CSMD1: variants seen among roughly 807,000 people sequenced by gnomAD.
CSMD1 encodes the protein CUB and Sushi multiple domains 1.
Under a neutral mutation model 417.5 loss-of-function variants are expected in CSMD1, and 213 were observed. The observed-to-expected ratio is 0.51, with a 90% CI of 0.46 to 0.57. The LOEUF (loss-of-function observed/expected upper bound fraction) is 0.57. Ranked by LOEUF, CSMD1 falls within the 20% of genes least tolerant of loss-of-function variation. CSMD1 has a pLI of 0.00. For missense variants in CSMD1, 6,923 were observed against 4,529.7 expected (o/e 1.53, Z -15.17); for synonymous variants, 2,862 against 1,736.8 (o/e 1.65, Z -16.11).
At chr8:3,358,020 C>A (rs536273295) in intron 21 of CSMD1, among the ~76,000 whole-genome samples, 10 of 152,244 alleles carry the variant, frequency 6.6e-5, no homozygotes, top group South Asian at 6.2e-4. Context: ...TACATAATAT[C>A]CCTAAGCAAC....
At chr8:4,210,177 C>G (rs1446858098) in intron 3 of CSMD1, among the ~76,000 whole-genome samples, 1 of 152,200 alleles carries the variant, frequency 6.6e-6, no homozygotes, top group Non-Finnish European at 1.5e-5. Flanking sequence ...CTGCCTCAGC[C>G]CATCTGTGGG....
At chr8:4,112,125 G>A (rs529725633) in intron 3 of CSMD1, among the ~76,000 whole-genome samples, 97 of 152,212 alleles carry the variant, frequency 6.4e-4, no homozygotes, top group African/African-American at 2.2e-3. Context: ...AAGATCAGGG[G>A]CCCCTTCAAA....
At chr8:2,971,239 G>A (rs1170954544) in intron 57 of CSMD1, among the ~76,000 whole-genome samples, 6 of 151,886 alleles carry the variant, frequency 4.0e-5, no homozygotes, top group South Asian at 2.1e-4. Flanking sequence ...GTGTCAGTTC[G>A]CCACCTAGAT....
chr8:4,329,533 C>G (rs1440413129), intron 3 of CSMD1, among the ~76,000 whole-genome samples: 1 of 152,140 alleles, frequency 6.6e-6, no homozygotes, highest in Admixed American at 6.6e-5. Flanking sequence ...AGTGATTTGT[C>G]TTCCTTGGCC....
intron 26 of CSMD1, among the ~76,000 whole-genome samples, chr8:3,244,291 C>G (rs932804500): frequency 1.3e-5 from 2 of 152,132 alleles, no homozygotes; most frequent in Non-Finnish European, 1.5e-5. Context: ...CTCCTTGTTT[C>G]TGTTCACTGG....
At chr8:3,471,862 G>C (rs1015487877) in intron 11 of CSMD1, among the ~76,000 whole-genome samples, 1 of 152,136 alleles carries the variant, frequency 6.6e-6, no homozygotes, top group Non-Finnish European at 1.5e-5. Flanking sequence ...AAAGAAGAAT[G>C]TGGGCATAGC....
At chr8:4,386,743 A>G (rs903616603) in intron 3 of CSMD1, among the ~76,000 whole-genome samples, 2 of 152,212 alleles carry the variant, frequency 1.3e-5, no homozygotes, top group East Asian at 1.9e-4. Context: ...AGTGCTAATG[A>G]TGACTTTAAT....
chr8:3,961,674 G>A (rs1812333983), intron 5 of CSMD1, among the ~76,000 whole-genome samples: 1 of 152,104 alleles, frequency 6.6e-6, no homozygotes, highest in Non-Finnish European at 1.5e-5. Flanking sequence ...TAAATAAAGT[G>A]AAAGCAAACT....
At chr8:3,547,911 T>C (rs559102652) in intron 10 of CSMD1, among the ~76,000 whole-genome samples, 6 of 152,308 alleles carry the variant, frequency 3.9e-5, no homozygotes, top group East Asian at 3.9e-4. Flanking sequence ...AATTACTACA[T>C]GCACCATGCC....
chr8:3,823,543 T>G (rs1407640110), intron 5 of CSMD1, among the ~76,000 whole-genome samples: 2 of 152,124 alleles, frequency 1.3e-5, no homozygotes, highest in Non-Finnish European at 2.9e-5. Context: ...AAGTATAACT[T>G]AATAAAATAA....
chr8:3,391,149 A>G (rs1197889174), intron 17 of CSMD1, among the ~76,000 whole-genome samples: 1 of 144,898 alleles, frequency 6.9e-6, no homozygotes, highest in Non-Finnish European at 1.5e-5. Context: ...TTTTCTGATC[A>G]TATAAAAAGT....
At chr8:3,136,184 T>G (rs1455650347) in intron 41 of CSMD1, among the ~76,000 whole-genome samples, 4 of 152,078 alleles carry the variant, frequency 2.6e-5, no homozygotes. Flanking sequence ...GGCTCTATTT[T>G]CACAATTATA....
At chr8:4,806,442 C>T (rs1463003494) in intron 1 of CSMD1, among the ~76,000 whole-genome samples, 1 of 144,146 alleles carries the variant, frequency 6.9e-6, no homozygotes, top group Non-Finnish European at 1.5e-5. Context: ...TTAGTGCCAT[C>T]AACACCCTGC....
intron 1 of CSMD1, among the ~76,000 whole-genome samples, chr8:4,950,255 C>G (rs1337797068): frequency 6.6e-6 from 1 of 151,988 alleles, no homozygotes; most frequent in African/African-American, 2.4e-5. Flanking sequence ...GTCATTTATG[C>G]CACACACATA....
chr8:4,239,228 C>G (rs968114921), intron 3 of CSMD1, among the ~76,000 whole-genome samples: 2 of 152,188 alleles, frequency 1.3e-5, no homozygotes, highest in Admixed American at 6.5e-5. Context: ...CACATCCTGC[C>G]AAACTCAGAA....
intron 36 of CSMD1, among the ~76,000 whole-genome samples, chr8:3,186,814 G>C (rs1382620908): frequency 6.6e-6 from 1 of 152,174 alleles, no homozygotes. Flanking sequence ...CTGTCATCTT[G>C]GACAATTCTC....
intron 2 of CSMD1, among the ~76,000 whole-genome samples, chr8:4,565,368 G>A (rs1377108722): frequency 1.3e-5 from 2 of 152,164 alleles, no homozygotes; most frequent in Non-Finnish European, 2.9e-5. Flanking sequence ...GCCATGTGCA[G>A]CTGTGGTATG....
At chr8:4,613,086 T>A (rs1316435888) in intron 2 of CSMD1, among the ~76,000 whole-genome samples, 1 of 152,132 alleles carries the variant, frequency 6.6e-6, no homozygotes, top group Non-Finnish European at 1.5e-5. Flanking sequence ...TTTCCTAGGC[T>A]TGTCTTATAG....
At chr8:3,196,317 C>A (rs988305256) in intron 33 of CSMD1, among the ~76,000 whole-genome samples, 1 of 152,106 alleles carries the variant, frequency 6.6e-6, no homozygotes, top group African/African-American at 2.4e-5. Context: ...ATAATCCATC[C>A]CTCATTTAGC....
Sources: allele counts gnomAD v4.1 joint callset (sites outside exome capture counted in the v4.1 genomes callset), GRCh38; gene constraint gnomAD v4.1.1; transcripts MANE v1.5; gene names NCBI Gene and HGNC (gene_info 2026-07-23, HGNC 2026-07-21).